The following OSMR variants were observed in gnomAD, a reference collection of about 807,000 sequenced individuals.
The protein encoded by OSMR is oncostatin-M-specific receptor subunit beta.
A neutral mutation model predicts 99.9 loss-of-function variants in OSMR; 81 were observed. That is an observed-to-expected ratio of 0.81 (90% CI 0.68 to 0.97). OSMR has a LOEUF of 0.97. Ranked by LOEUF, OSMR falls within the 50% of genes least tolerant of loss-of-function variation. The probability of loss-of-function intolerance (pLI) is 0.00; values close to 1 mark genes in which losing one functional copy is unlikely to be tolerated. For synonymous variants in OSMR, 406 were observed against 410.4 expected, an observed-to-expected ratio of 0.99 and a Z score of 0.13; for missense variants, 1,099 against 1,153.4, an observed-to-expected ratio of 0.95 and a Z score of 0.68.
chr5:38,887,899 A>G (rs1743893457), intron 7 of OSMR, among the ~76,000 whole-genome samples: 1 of 152,132 alleles, frequency 6.6e-6, no homozygotes, highest in South Asian at 2.1e-4. Flanking sequence ...TACTTCTTGC[A>G]TATTTTTTGT....
chr5:38,922,767 T>C (rs1340116758), intron 12 of OSMR, among the ~76,000 whole-genome samples: 1 of 152,112 alleles, frequency 6.6e-6, no homozygotes, highest in Non-Finnish European at 1.5e-5. Flanking sequence ...AAATTTATTT[T>C]TCATTCTTTT....
intron 15 of OSMR, 127 bp downstream of exon 15, chr5:38,925,498 C>G: frequency 1.2e-6 from 1 of 811,418 alleles, no homozygotes; most frequent in Non-Finnish European, 2.1e-6. Context: ...TTCTCACCTC[C>G]CTCTTTCTCT....
rs542379416 is a variant in OSMR, at chr5:38,898,793, G to T, written c.992-5089G>T. ...GTTATACATATTTTTTTAAAAATTTGAGGTTGCCATGAGGCTTGCAAATAC... is the reference window on the plus strand; with the variant it reads ...GTTATACATATTTTTTTAAAAATTTTAGGTTGCCATGAGGCTTGCAAATAC... On this transcript the variant is annotated intron_variant, in intron 7 of 17. Coordinates refer to ENST00000274276, the MANE Select transcript of OSMR (RefSeq NM_003999.3). Among the ~76,000 whole-genome samples the T allele has an allele frequency of 1.2e-4, 18 of 151,332 alleles. No homozygotes were observed. In the South Asian group the frequency reaches 3.6e-3, roughly 30 times the overall value.
intron 7 of OSMR, among the ~76,000 whole-genome samples, chr5:38,902,464 G>A (rs1314543967): frequency 6.6e-6 from 1 of 152,232 alleles, no homozygotes; most frequent in Admixed American, 6.5e-5. Flanking sequence ...ACCTCCCAAT[G>A]TCATCAGTTT....
At chr5:38,886,392 A>G in intron 7 of OSMR, 1 of 1,380,988 alleles carries the variant, frequency 7.2e-7, no homozygotes, top group Non-Finnish European at 9.4e-7. Flanking sequence ...TAATGTCACG[A>G]GCACCAATGA....
intron 7 of OSMR, among the ~76,000 whole-genome samples, chr5:38,900,478 C>A (rs1274509387): frequency 6.6e-6 from 1 of 152,102 alleles, no homozygotes; most frequent in Non-Finnish European, 1.5e-5. Flanking sequence ...TCGATGGAGC[C>A]TTCTCTTTAG....
chr5:38,945,443 A>G (rs982023287), downstream of OSMR: 4 of 1,270,726 alleles, frequency 3.1e-6, no homozygotes. Context: ...AAACCAGAGA[A>G]CTTTAGTCAT....
intron 3 of OSMR, 87 bp from the exon 4 acceptor site, chr5:38,881,506 A>T: frequency 6.2e-7 from 1 of 1,611,720 alleles, no homozygotes; most frequent in South Asian, 1.1e-5. Flanking sequence ...ATGGGGTCTT[A>T]GGTTTGTGCT....
At chr5:38,944,563 T>C (rs1747960003) in intron 2 of OSMR, 1 of 1,595,022 alleles carries the variant, frequency 6.3e-7, no homozygotes, top group East Asian at 2.2e-5. Flanking sequence ...TGGAATTGTT[T>C]TAACACCTGA....
rs753359019 is a variant in OSMR at position 38,933,279 on chromosome 5, G to A, written c.2775G>A (p.Met925Ile). The change falls in exon 18 of 18, where the codon ATG (methionine) becomes ATA (isoleucine). Residue 925 changes from methionine to isoleucine, a missense_variant. By Grantham distance (10) the Met-to-Ile change is conservative. Transcript: ENST00000274276. ...ATGTGTCCCAGTTGGCTTCACCCAT[G>A]TTTGGAGACAAGGACAGTCTCCCAA... ...LNYVSQLASPMFGDKDSLPTN... is the reference protein window; with the variant it reads ...LNYVSQLASPIFGDKDSLPTN... The A allele has an allele frequency of 6.2e-7, 1 of 1,614,198 alleles. No homozygotes were observed. Among genetic ancestry groups the A allele is most frequent in the Non-Finnish European group, 8.5e-7 (1 of 1,180,024 alleles).
downstream of OSMR, among the ~76,000 whole-genome samples, chr5:38,936,374 A>AAATC (rs906311823): frequency 2.9e-4 from 44 of 152,314 alleles, no homozygotes; most frequent in African/African-American, 1.0e-3. Context: ...TCCTTAAAAA[A>AAATC]AATCAATCAG....
At chr5:38,938,539 T>C, downstream of OSMR, 1 of 232,866 alleles carries the variant, frequency 4.3e-6, no homozygotes, top group Non-Finnish European at 8.5e-6. Flanking sequence ...AAATGTGCAA[T>C]TTATGCATGC....
At chr5:38,924,656 T>A in intron 14 of OSMR, 61 bp downstream of exon 14, 1 of 1,330,156 alleles carries the variant, frequency 7.5e-7, no homozygotes, top group Non-Finnish European at 1.1e-6. Context: ...TGAAATCATT[T>A]AAAATAATGG....
At position 38,863,159 on chromosome 5, in the gene OSMR, A is replaced by C. The variant is rs1224066336; in HGVS notation, c.-13-5873A>C. Among the ~76,000 whole-genome samples, 4 of 108,710 alleles carry C rather than the reference A, an allele frequency of 3.7e-5. No homozygotes were observed. The East Asian group carries it at 1.3e-3, about 37-fold the overall frequency. 71.3% of individuals were successfully genotyped at this position (108,710 alleles called of 152,430 possible). On this transcript the variant is annotated intron_variant, in intron 1 of 17. Transcript: ENST00000274276. ...GGCATCAGAGGGAGACCATGTAAAG[A>C]GGGAGAGGGAGACCGTGGGGAGAGG...
At chr5:38,942,255 C>A in intron 1 of OSMR, 1 of 1,145,092 alleles carries the variant, frequency 8.7e-7, no homozygotes, top group South Asian at 1.7e-5. Context: ...AGGAAATCCA[C>A]AAATATGAAT....
rs35207712 is a variant in OSMR, at chr5:38,883,913, G to T, written c.505G>T (p.Val169Phe). The T allele has an allele frequency of 1.4e-5, 23 of 1,613,486 alleles. No individual in the cohort carries two copies. The highest frequency in any genetic ancestry group is 1.8e-5 in the Non-Finnish European group (21 of 1,179,582). ...AGGCACCAATGTTACCATTTGTTACGTTTCTAGGAACATTCAAAATAATGT... is the reference window on the plus strand; with the variant it reads ...AGGCACCAATGTTACCATTTGTTACTTTTCTAGGAACATTCAAAATAATGT... ...EEGTNVTICYVSRNIQNNVSC... is the reference protein window; with the variant it reads ...EEGTNVTICYFSRNIQNNVSC... Residue 169 changes from valine (V) to phenylalanine (F), a missense_variant, in exon 5 of 18, where the codon GTT becomes TTT. By Grantham distance (50) the Val-to-Phe change is conservative (BLOSUM62 -1). Coordinates refer to ENST00000274276, the MANE Select transcript of OSMR (RefSeq NM_003999.3).
At chr5:38,893,150 C>T (rs1744267520) in intron 7 of OSMR, among the ~76,000 whole-genome samples, 3 of 152,242 alleles carry the variant, frequency 2.0e-5, no homozygotes, top group Admixed American at 2.0e-4. Flanking sequence ...CAAGTGTCAT[C>T]TACTGGCCTA....
At chr5:38,870,674 A>G (rs1464864883) in intron 2 of OSMR, among the ~76,000 whole-genome samples, 3 of 152,214 alleles carry the variant, frequency 2.0e-5, no homozygotes, top group Admixed American at 6.5e-5. Context: ...TTTCCTCCTT[A>G]AAGGGACTGC....
chr5:38,868,684 T>A (rs893142461), intron 1 of OSMR, among the ~76,000 whole-genome samples: 2 of 152,204 alleles, frequency 1.3e-5, no homozygotes, highest in African/African-American at 2.4e-5. Context: ...GTCTCAGATA[T>A]GTCTTTATCA....
Sources: allele counts gnomAD v4.1 joint callset (sites outside exome capture counted in the v4.1 genomes callset), GRCh38; gene constraint gnomAD v4.1.1; transcripts MANE v1.5; gene names NCBI Gene and HGNC (gene_info 2026-07-23, HGNC 2026-07-21).